Variants in PLCE1 observed in about 807,000 individuals in gnomAD.
The protein encoded by PLCE1 is 1-phosphatidylinositol 4,5-bisphosphate phosphodiesterase epsilon-1.
PLCE1 carries 119 observed loss-of-function variants against 242.8 expected under a neutral mutation model. That is an observed-to-expected ratio of 0.49 (90% CI 0.42 to 0.57). PLCE1 has a LOEUF of 0.57. Among genes scored for constraint, PLCE1 ranks in the 20% least tolerant of loss-of-function variants. The pLI, the probability that PLCE1 is intolerant of heterozygous loss-of-function variation, is 0.00. For missense variants in PLCE1, 2,441 were observed against 2,788.8 expected (o/e 0.88, Z 2.81); for synonymous variants, 945 against 1,017.4 (o/e 0.93, Z 1.35).
chr10:94,102,956 CA>C lies in PLCE1; in HGVS notation c.1207-29215del, dbSNP rs776069346. On this transcript the variant is annotated intron_variant, in intron 2 of 32. Coordinates refer to ENST00000371380, the MANE Select transcript of PLCE1 (RefSeq NM_016341.4). ...TTTGTTTTGAAATTTTTTAAAAATA[CA>C]AAGAAGAAAAACAGTGGAGGAGGCA... Among the ~76,000 whole-genome samples, 8 of 152,184 alleles carry C rather than the reference CA, an allele frequency of 5.3e-5. No homozygotes were observed. The East Asian group carries it at 7.7e-4, about 15-fold the overall frequency.
intron 2 of PLCE1, among the ~76,000 whole-genome samples, chr10:94,092,858 C>T (rs1235112571): frequency 6.6e-6 from 1 of 152,110 alleles, no homozygotes; most frequent in Non-Finnish European, 1.5e-5. Flanking sequence ...GGCAAAGATC[C>T]AGCAGAACCT....
At chr10:94,093,656 T>C (rs1357819193) in intron 2 of PLCE1, among the ~76,000 whole-genome samples, 5 of 152,218 alleles carry the variant, frequency 3.3e-5, no homozygotes, top group Admixed American at 2.0e-4. Context: ...TGCTCCCATT[T>C]ATCTCAGGCC....
intron 7 of PLCE1, among the ~76,000 whole-genome samples, chr10:94,242,871 C>T (rs1236812873): frequency 6.6e-6 from 1 of 152,164 alleles, no homozygotes; most frequent in African/African-American, 2.4e-5. Flanking sequence ...AATTAATATT[C>T]ATGAGCTCAT....
chr10:94,119,030 C>T (rs1418433398), intron 2 of PLCE1, among the ~76,000 whole-genome samples: 1 of 152,314 alleles, frequency 6.6e-6, no homozygotes, highest in Middle Eastern at 3.4e-3. Flanking sequence ...AAGATCTATA[C>T]CTCCAACTAG....
At chr10:94,001,365 G>C (rs565080727) in intron 1 of PLCE1, among the ~76,000 whole-genome samples, 1 of 152,160 alleles carries the variant, frequency 6.6e-6, no homozygotes, top group African/African-American at 2.4e-5. Flanking sequence ...CTTTAGAGGG[G>C]CTGATGATGG....
intron 3 of PLCE1, among the ~76,000 whole-genome samples, chr10:94,167,746 G>A (rs2047854089): frequency 6.9e-6 from 1 of 144,580 alleles, no homozygotes; most frequent in Non-Finnish European, 1.5e-5. Context: ...TGTGGTGTTT[G>A]GTTTTTTGTC....
intron 16 of PLCE1, among the ~76,000 whole-genome samples, chr10:94,266,583 T>C (rs781233642): frequency 4.6e-5 from 7 of 152,204 alleles, no homozygotes; most frequent in Admixed American, 1.3e-4. Context: ...TGCGTGTCCA[T>C]TGCCTCTCTG....
At chr10:94,182,422 C>T (rs1403920759) in intron 4 of PLCE1, among the ~76,000 whole-genome samples, 1 of 149,310 alleles carries the variant, frequency 6.7e-6, no homozygotes, top group Non-Finnish European at 1.5e-5. Flanking sequence ...TGCACCACCA[C>T]CCTTGGATAA....
At chr10:94,188,763 TC>T (rs2048564286) in intron 4 of PLCE1, among the ~76,000 whole-genome samples, 1 of 151,966 alleles carries the variant, frequency 6.6e-6, no homozygotes, top group Non-Finnish European at 1.5e-5. Context: ...GTGCCACCAC[TC>T]CCGGCTAATT....
Position 94,132,407 on chromosome 10 carries a change from A to G in PLCE1, c.1440A>G (p.Arg480=). Residue 480 remains arginine, a synonymous_variant, in exon 3 of 33, where the codon AGA becomes AGG. Coordinates refer to ENST00000371380, the MANE Select transcript of PLCE1 (RefSeq NM_016341.4). ...AAGCAACCACGTCTTTGGGAGCAAG[A>G]AGTGGCCTTCTCAGTACTTTTGGAG... ...LLEATTSLGA[R]SGLLSTFGGS... is the part of the protein sequence containing the mutation. 6.2e-7 allele frequency: 1 copy of G among 1,614,146 alleles called. No individual in the cohort carries two copies. The highest frequency in any genetic ancestry group is 8.5e-7 in the Non-Finnish European group (1 of 1,180,006).
chr10:94,120,124 T>G (rs1390179867), intron 2 of PLCE1, among the ~76,000 whole-genome samples: 2 of 152,120 alleles, frequency 1.3e-5, no homozygotes, highest in African/African-American at 4.8e-5. Flanking sequence ...CTACCCTTAC[T>G]CAACTCCTCC....
At chr10:94,266,576 G>C (rs79579102) in intron 16 of PLCE1, among the ~76,000 whole-genome samples, 23 of 152,142 alleles carry the variant, frequency 1.5e-4, no homozygotes, top group Non-Finnish European at 2.9e-4. Context: ...AATGATCTGC[G>C]TGTCCATTGC....
chr10:94,280,868 G>A (rs1324492149), intron 20 of PLCE1, among the ~76,000 whole-genome samples: 5 of 152,140 alleles, frequency 3.3e-5, no homozygotes, highest in Non-Finnish European at 5.9e-5. Context: ...TCAGTTTTGT[G>A]AGCCTCCATC....
chr10:94,273,801 T>C, intron 19 of PLCE1, 81 bp downstream of exon 19: 2 of 1,289,422 alleles, frequency 1.6e-6, no homozygotes, highest in South Asian at 1.2e-5. Flanking sequence ...ACCTTTCAGA[T>C]GACCTGCTGG....
chr10:94,244,672 A>G (rs2050619947), intron 7 of PLCE1, among the ~76,000 whole-genome samples: 1 of 152,166 alleles, frequency 6.6e-6, no homozygotes, highest in Non-Finnish European at 1.5e-5. Context: ...CACCGTGACC[A>G]TATTTCCCAA....
At chr10:94,271,516 A>G (rs371407597) in intron 18 of PLCE1, among the ~76,000 whole-genome samples, 3 of 151,490 alleles carry the variant, frequency 2.0e-5, no homozygotes, top group South Asian at 2.1e-4. Context: ...GGGTTTCACC[A>G]TGTTAGCCAG....
intron 1 of PLCE1, among the ~76,000 whole-genome samples, chr10:94,006,935 G>A (rs891925106): frequency 1.3e-5 from 2 of 152,224 alleles, no homozygotes; most frequent in African/African-American, 2.4e-5. Flanking sequence ...TCCTGATGAT[G>A]TATGCAAAGG....
chr10:94,298,475 A>G lies in PLCE1; in HGVS notation c.5264A>G (p.Tyr1755Cys). ...LSAIIRTPKC[Y>C]HISSLNENAA... ...GCTATCATTAGAACTCCCAAATGTT[A>G]TCATATCTCGTCGCTGAATGAAAAT... is the stretch of plus-strand genomic sequence containing the variant. Residue 1755 changes from tyrosine to cysteine, a missense_variant, in exon 24 of 33, where the codon TAT becomes TGT. Physicochemically the swap from Tyr to Cys is radical, Grantham distance 194 (BLOSUM62 -2). Transcript: ENST00000371380. The surrounding 1 kb of genome is among the most constrained non-coding windows in gnomAD (Gnocchi z 5.2). The G allele has an allele frequency of 1.2e-6, 2 of 1,614,132 alleles. No homozygotes were observed. Among genetic ancestry groups the G allele is most frequent in the South Asian group, 2.2e-5 (2 of 91,080 alleles).
chr10:94,084,229 T>C (rs1019180280), intron 2 of PLCE1, among the ~76,000 whole-genome samples: 16 of 152,146 alleles, frequency 1.1e-4, no homozygotes, highest in Admixed American at 8.5e-4. Flanking sequence ...AATTTAAATA[T>C]TTTTCAAATT....
Sources: allele counts gnomAD v4.1 joint callset (sites outside exome capture counted in the v4.1 genomes callset), GRCh38; gene constraint gnomAD v4.1.1; non-coding constraint Gnocchi (gnomAD v3.1); transcripts MANE v1.5; gene names NCBI Gene and HGNC (gene_info 2026-07-23, HGNC 2026-07-21).